AIRIM: variants seen among roughly 807,000 people sequenced by gnomAD.
AIRIM encodes AFG2 interacting ribosome maturation factor, also known as AFG2-interacting ribosome maturation factor.
chr1:37,689,856 C>T, the AIRIM span: 1 of 1,577,192 alleles, frequency 6.3e-7, no homozygotes, highest in Non-Finnish European at 8.6e-7. Flanking sequence ...TCCTGCACGG[C>T]AAGCAGAGGC....
chr1:37,683,289 G>A, the AIRIM span: 33 of 1,613,524 alleles, frequency 2.0e-5, no homozygotes, highest in Non-Finnish European at 2.7e-5. Context: ...AGGAGGAGAG[G>A]AGACACAAAG....
At chr1:37,686,593 G>A in the AIRIM span, 2 of 791,624 alleles carry the variant, frequency 2.5e-6, no homozygotes, top group South Asian at 3.6e-5. Context: ...ACGTGTAGGA[G>A]CATGCCTGGC....
the AIRIM span, among the ~76,000 whole-genome samples, chr1:37,687,512 G>C: frequency 6.6e-6 from 1 of 151,772 alleles, no homozygotes; most frequent in South Asian, 2.1e-4. Context: ...TAGTTTGGGA[G>C]GGCAAGGCCA....
At chr1:37,687,984 A>G in the AIRIM span, among the ~76,000 whole-genome samples, 1 of 151,284 alleles carries the variant, frequency 6.6e-6, no homozygotes, top group Non-Finnish European at 1.5e-5. Flanking sequence ...CAGCCTCCCT[A>G]AGTGCTGGGA....
At chr1:37,682,876 T>C in the AIRIM span, 3 of 511,410 alleles carry the variant, frequency 5.9e-6, no homozygotes, top group Non-Finnish European at 1.1e-5. Context: ...TCTAGCTCCA[T>C]CCACTTCCCT....
the AIRIM span, chr1:37,690,433 G>A: frequency 1.6e-6 from 2 of 1,264,318 alleles, no homozygotes; most frequent in South Asian, 1.3e-5. Context: ...GCTGCCGGTC[G>A]CCTTCCTGAA....
At chr1:37,686,130 A>G in the AIRIM span, 1 of 738,190 alleles carries the variant, frequency 1.4e-6, no homozygotes, top group Non-Finnish European at 2.1e-6. Flanking sequence ...AGGAAGGATT[A>G]TACAAAGGAA....
the AIRIM span, among the ~76,000 whole-genome samples, chr1:37,687,091 TGTGTGTGTGTGTGTGTGTG>T: frequency 6.6e-6 from 1 of 151,308 alleles, no homozygotes; most frequent in African/African-American, 2.4e-5. Context: ...TGTGTGTGTG[TGTGTGTGTGTGTGTGTGTG>T]TATAGTTTTT....
At chr1:37,686,415 G>T in the AIRIM span, 1 of 1,613,934 alleles carries the variant, frequency 6.2e-7, no homozygotes, top group Non-Finnish European at 8.5e-7. Context: ...CGCTCCACAT[G>T]GCTGCTGACC....
At chr1:37,686,556 G>C in the AIRIM span, 5 of 1,150,166 alleles carry the variant, frequency 4.3e-6, no homozygotes, top group African/African-American at 7.7e-5. Flanking sequence ...ATTCTCTGTT[G>C]TGAAGGGCTG....
At chr1:37,686,292 C>T in the AIRIM span, 1 of 1,613,542 alleles carries the variant, frequency 6.2e-7, no homozygotes, top group Non-Finnish European at 8.5e-7. Context: ...TAATGTCTCT[C>T]AATATCCTGC....
the AIRIM span, among the ~76,000 whole-genome samples, chr1:37,686,796 G>A: frequency 6.6e-6 from 1 of 152,216 alleles, no homozygotes; most frequent in Non-Finnish European, 1.5e-5. Context: ...GGGGCTGGGT[G>A]CAGAGGCTGT....
At chr1:37,686,567 C>T in the AIRIM span, 1 of 1,050,800 alleles carries the variant, frequency 9.5e-7, no homozygotes, top group East Asian at 2.6e-5. Context: ...TGAAGGGCTG[C>T]CCTGTACATT....
At chr1:37,689,665 C>T in the AIRIM span, 3,404 of 1,613,960 alleles carry the variant, frequency 2.1e-3, 56 homozygotes, top group African/African-American at 0.033. Flanking sequence ...TACGCCTCAG[C>T]CGCTCTTTTA....
At chr1:37,687,096 GTGTGTGTGTGTGTGTA>G in the AIRIM span, among the ~76,000 whole-genome samples, 3 of 140,946 alleles carry the variant, frequency 2.1e-5, no homozygotes, top group African/African-American at 8.5e-5. Flanking sequence ...GTGTGTGTGT[GTGTGTGTGTGTGTGTA>G]TAGTTTTTGT....
At chr1:37,683,709 A>T in the AIRIM span, 3 of 339,076 alleles carry the variant, frequency 8.8e-6, no homozygotes, top group African/African-American at 6.3e-5. Flanking sequence ...AAGAAAGAAC[A>T]AAAGGGACAT....
the AIRIM span, among the ~76,000 whole-genome samples, chr1:37,686,763 C>T: frequency 3.3e-5 from 5 of 152,238 alleles, no homozygotes; most frequent in African/African-American, 7.2e-5. Flanking sequence ...CTTGGAGGTA[C>T]GGGTGGCTCA....
chr1:37,690,514 C>T, the AIRIM span: 144 of 1,189,556 alleles, frequency 1.2e-4, no homozygotes, highest in Non-Finnish European at 1.5e-4. Flanking sequence ...CACGCGCCCA[C>T]AGTCTCTCTG....
the AIRIM span, chr1:37,689,814 C>T: frequency 1.2e-6 from 2 of 1,609,372 alleles, no homozygotes; most frequent in Admixed American, 1.7e-5. Context: ...CCCTGCTGCT[C>T]CTCCACCACG....
Sources: gnomAD v4.1 joint callset for allele counts (sites outside exome capture counted in the v4.1 genomes callset) on GRCh38, gnomAD v4.1.1 for gene constraint, MANE v1.5 for transcripts, NCBI Gene and HGNC (gene_info 2026-07-23, HGNC 2026-07-21) for gene names.